Variants in GALNTL6 observed in about 807,000 individuals in gnomAD.
GALNTL6 encodes the protein polypeptide N-acetylgalactosaminyltransferase like 6, also known as polypeptide N-acetylgalactosaminyltransferase-like 6.
In GALNTL6, 46 loss-of-function variants were observed where a neutral mutation model predicts 73.7. The observed-to-expected ratio is 0.62, with a 90% CI of 0.49 to 0.80. The LOEUF is 0.80. Ranked by LOEUF, GALNTL6 falls within the 30% of genes least tolerant of loss-of-function variation. GALNTL6 has a pLI of 0.00. For missense variants in GALNTL6, 604 were observed against 755.0 expected (o/e 0.80, Z 2.34); for synonymous variants, 259 against 263.7 (o/e 0.98, Z 0.17).
chr4:173,032,029 TGCAAGGCCCTGAGATAA>T (rs1394141761), intron 12 of GALNTL6, among the ~76,000 whole-genome samples: 1 of 152,208 alleles, frequency 6.6e-6, no homozygotes, highest in Non-Finnish European at 1.5e-5. Flanking sequence ...GATCAACTTG[TGCAAGGCCCTGAGATAA>T]GCAAGATATT....
chr4:172,049,957 C>T lies in GALNTL6; in HGVS notation c.139-179699C>T, dbSNP rs539387037. 2.0e-5 allele frequency among the ~76,000 whole-genome samples: 3 copies of T among 151,276 alleles called. No individual in the cohort carries two copies. The South Asian group carries it at 6.3e-4, about 32-fold the overall frequency. ...TGAGATCGCACCATTGCACTACAGC[C>T]AGGGTGACAAGAGCAAAACTCTGTC... On this transcript the variant is annotated intron_variant, in intron 2 of 12. Transcript: ENST00000506823.
chr4:172,673,934 G>A (rs1732134463), intron 5 of GALNTL6, among the ~76,000 whole-genome samples: 1 of 152,168 alleles, frequency 6.6e-6, no homozygotes, highest in Non-Finnish European at 1.5e-5. Flanking sequence ...GCCACTCAAT[G>A]TCTTTTAATT....
Position 171,914,052 on chromosome 4 carries a change from A to T in GALNTL6, c.138+99334A>T, listed in dbSNP as rs1737546217. On this transcript the variant is annotated intron_variant, in intron 2 of 12. Coordinates refer to ENST00000506823, the MANE Select transcript of GALNTL6 (RefSeq NM_001034845.3). ...ATTATTTCTCTTGCTATTGTTATAAAGGCTATAAAATGAAATGGAAATGAC... is the reference window on the plus strand; with the variant it reads ...ATTATTTCTCTTGCTATTGTTATAATGGCTATAAAATGAAATGGAAATGAC... Among the ~76,000 whole-genome samples the T allele has an allele frequency of 4.6e-5, 7 of 152,192 alleles. 1 individual carries two copies. Among genetic ancestry groups the T allele is most frequent in the Admixed American group, 4.6e-4 (7 of 15,264 alleles).
chr4:171,856,193 T>C (rs916957550), intron 2 of GALNTL6, among the ~76,000 whole-genome samples: 2 of 151,958 alleles, frequency 1.3e-5, no homozygotes, highest in African/African-American at 4.8e-5. Flanking sequence ...ACCTCCACCT[T>C]CTGGGTTCAA....
At chr4:172,392,077 C>T (rs1030783406) in intron 5 of GALNTL6, among the ~76,000 whole-genome samples, 1 of 152,118 alleles carries the variant, frequency 6.6e-6, no homozygotes, top group Admixed American at 6.6e-5. Context: ...CAACCTCTGC[C>T]TCCTGGGTTC....
intron 10 of GALNTL6, among the ~76,000 whole-genome samples, chr4:172,957,590 A>T (rs1404501526): frequency 6.6e-6 from 1 of 152,184 alleles, no homozygotes; most frequent in Non-Finnish European, 1.5e-5. Context: ...CTTTGCAGTG[A>T]ATGACTCTAG....
At chr4:172,504,645 G>A (rs199615662) in intron 5 of GALNTL6, among the ~76,000 whole-genome samples, 1 of 51,266 alleles carries the variant, frequency 2.0e-5, no homozygotes, top group Non-Finnish European at 4.4e-5. Context: ...AAGAAGTAAT[G>A]GGGGGATGGA....
intron 5 of GALNTL6, among the ~76,000 whole-genome samples, chr4:172,785,377 ATAAG>A (rs1180821772): frequency 3.3e-5 from 5 of 152,190 alleles, no homozygotes; most frequent in Admixed American, 6.6e-5. Flanking sequence ...TTCAGCCTAA[ATAAG>A]AGAAGGTCAA....
At chr4:171,986,173 CT>C (rs2111087852) in intron 2 of GALNTL6, among the ~76,000 whole-genome samples, 1 of 151,948 alleles carries the variant, frequency 6.6e-6, no homozygotes, top group African/African-American at 2.4e-5. Context: ...TTTATTTCAC[CT>C]GGGTGCAGCT....
Position 171,993,999 on chromosome 4 carries a change from G to T in GALNTL6, c.138+179281G>T, listed in dbSNP as rs72994961. ...TGGGATTAAAGAATGCTGGTGAATTGAAAAGATCAAGAAGTAATAAAAGAA... is the reference window on the plus strand; with the variant it reads ...TGGGATTAAAGAATGCTGGTGAATTTAAAAGATCAAGAAGTAATAAAAGAA... On this transcript the variant is annotated intron_variant, in intron 2 of 12. Transcript: ENST00000506823. 8.8e-3 allele frequency among the ~76,000 whole-genome samples: 1,335 copies of T among 152,094 alleles called. 16 individuals carry two copies. Among genetic ancestry groups the T allele is most frequent in the African/African-American group, 0.026 (1,094 of 41,510 alleles).
At chr4:172,053,389 G>C (rs1353095854) in intron 2 of GALNTL6, among the ~76,000 whole-genome samples, 1 of 152,052 alleles carries the variant, frequency 6.6e-6, no homozygotes, top group East Asian at 1.9e-4. Flanking sequence ...CAAAACCTAT[G>C]AGCATTGATC....
chr4:172,931,096 C>T (rs1748311103), intron 8 of GALNTL6, 65 bp from the exon 9 acceptor site: 1 of 864,804 alleles, frequency 1.2e-6, no homozygotes, highest in South Asian at 1.3e-5. Context: ...TTTATGAGTC[C>T]TACTGATTAT....
intron 2 of GALNTL6, among the ~76,000 whole-genome samples, chr4:172,078,842 A>T (rs1204139641): frequency 6.6e-6 from 1 of 152,142 alleles, no homozygotes; most frequent in African/African-American, 2.4e-5. Context: ...GAATGTTTTG[A>T]TATAGAAATC....
intron 8 of GALNTL6, among the ~76,000 whole-genome samples, chr4:172,915,800 C>T (rs191290608): frequency 1.1e-3 from 162 of 152,164 alleles, no homozygotes; most frequent in Non-Finnish European, 1.9e-3. Context: ...GATTCACAGC[C>T]GAATTCTACC....
At chr4:172,267,910 A>T (rs1738504859) in intron 3 of GALNTL6, among the ~76,000 whole-genome samples, 1 of 152,160 alleles carries the variant, frequency 6.6e-6, no homozygotes, top group African/African-American at 2.4e-5. Flanking sequence ...AGTAATAAAG[A>T]ATACAGTAGA....
chr4:172,455,519 CG>C (rs1382860126), intron 5 of GALNTL6, among the ~76,000 whole-genome samples: 2 of 152,206 alleles, frequency 1.3e-5, no homozygotes, highest in African/African-American at 4.8e-5. Flanking sequence ...GAGCTTGGGT[CG>C]GGGAAAGGCG....
At chr4:171,904,141 G>A (rs182367346) in intron 2 of GALNTL6, among the ~76,000 whole-genome samples, 23 of 152,194 alleles carry the variant, frequency 1.5e-4, no homozygotes, top group African/African-American at 2.4e-4. Context: ...AAAGCTGGAC[G>A]GAGAATGACT....
At chr4:172,189,300 A>G (rs549569309) in intron 2 of GALNTL6, among the ~76,000 whole-genome samples, 1 of 152,332 alleles carries the variant, frequency 6.6e-6, no homozygotes, top group South Asian at 2.1e-4. Context: ...AGAATGAATA[A>G]TAAGCACTAA....
intron 2 of GALNTL6, among the ~76,000 whole-genome samples, chr4:171,920,429 A>C (rs1173240638): frequency 6.6e-6 from 1 of 152,120 alleles, no homozygotes; most frequent in Non-Finnish European, 1.5e-5. Flanking sequence ...ATGGCAGGGA[A>C]ATGTGTTTAA....
Sources: allele counts gnomAD v4.1 joint callset (sites outside exome capture counted in the v4.1 genomes callset), GRCh38; gene constraint gnomAD v4.1.1; transcripts MANE v1.5; gene names NCBI Gene and HGNC (gene_info 2026-07-23, HGNC 2026-07-21).